Variants in SLC14A2 observed in about 807,000 individuals in gnomAD.
The protein encoded by SLC14A2 is solute carrier family 14 member 2.
Under a neutral mutation model 104.6 loss-of-function variants are expected in SLC14A2, and 91 were observed. The observed-to-expected ratio is 0.87, with a 90% CI of 0.73 to 1.04. The LOEUF is 1.04. SLC14A2 is among the 50% of genes least tolerant of loss of function. The pLI, the probability that SLC14A2 is intolerant of heterozygous loss-of-function variation, is 0.00. For synonymous variants in SLC14A2, 476 were observed against 466.4 expected, an observed-to-expected ratio of 1.02 and a Z score of -0.27; for missense variants, 1,189 against 1,156.0, an observed-to-expected ratio of 1.03 and a Z score of -0.41.
intron 12 of SLC14A2, among the ~76,000 whole-genome samples, chr18:45,666,542 T>C (rs1310239798): frequency 6.6e-6 from 1 of 151,642 alleles, no homozygotes; most frequent in African/African-American, 2.4e-5. Context: ...TGAACAGTTA[T>C]ATCTTAAAGA....
chr18:45,651,834 C>T (rs1404956929), intron 10 of SLC14A2, among the ~76,000 whole-genome samples: 1 of 152,202 alleles, frequency 6.6e-6, no homozygotes, highest in African/African-American at 2.4e-5. Flanking sequence ...AGAGCTTAAC[C>T]AGTTAGCCAT....
At chr18:45,552,446 G>A (rs144200055) in intron 2 of SLC14A2, among the ~76,000 whole-genome samples, 1,108 of 101,750 alleles carry the variant, frequency 0.011, 17 homozygotes, top group African/African-American at 0.037. Flanking sequence ...CCCAACCCCC[G>A]TGTCCTCAAG....
Position 45,624,793 on chromosome 18 carries a change from C to T in SLC14A2, c.129C>T (p.Leu43=). The part of the protein sequence containing the change: ...TSPDTHPALP[L]LEMPEEKDLR... Reference sequence around the variant, plus strand: ...CGGATACTCACCCAGCTCTGCCCCTCCTGGAAATGCCTGAAGAAAAGGTGA... The same window carrying T: ...CGGATACTCACCCAGCTCTGCCCCTTCTGGAAATGCCTGAAGAAAAGGTGA... Residue 43 remains leucine (L), a synonymous_variant, in exon 2 of 20, where the codon CTC becomes CTT. Coordinates refer to ENST00000255226, the MANE Select transcript of SLC14A2 (RefSeq NM_007163.4). 1 of 1,611,482 alleles carries T rather than the reference C, an allele frequency of 6.2e-7. No individual in the cohort carries two copies. Among genetic ancestry groups the T allele is most frequent in the Non-Finnish European group, 8.5e-7 (1 of 1,178,876 alleles).
At chr18:45,629,864 G>A (rs977745168) in intron 4 of SLC14A2, among the ~76,000 whole-genome samples, 4 of 152,164 alleles carry the variant, frequency 2.6e-5, no homozygotes, top group African/African-American at 9.7e-5. Context: ...CATTTGATGG[G>A]TCCTACAGTA....
chr18:45,364,442 G>A (rs2085646763), intron 1 of SLC14A2, among the ~76,000 whole-genome samples: 1 of 152,158 alleles, frequency 6.6e-6, no homozygotes, highest in African/African-American at 2.4e-5. Flanking sequence ...GAAGAGAAAA[G>A]GAGTTGTTCC....
In SLC14A2 at chr18:45,673,670, C is replaced by A; in HGVS notation, c.2378-13C>A. 2 of 1,612,652 alleles carry A rather than the reference C, an allele frequency of 1.2e-6. No individual in the cohort carries two copies. The highest frequency in any genetic ancestry group is 1.7e-6 in the Non-Finnish European group (2 of 1,178,768). On this transcript the variant is annotated splice_polypyrimidine_tract_variant and intron_variant, in intron 17 of 19. Transcript: ENST00000255226. ...ACCCTAGACCCAACCCTGATGCCTG[C>A]CTTCTGTCACAGCACTCACTATTGC...
chr18:45,609,884 T>C (rs1184257253), intron 2 of SLC14A2, among the ~76,000 whole-genome samples: 1 of 152,182 alleles, frequency 6.6e-6, no homozygotes, highest in Non-Finnish European at 1.5e-5. Flanking sequence ...AGACACAAGC[T>C]GAAAAAGACT....
At chr18:45,467,780 C>T (rs957770052) in intron 1 of SLC14A2, among the ~76,000 whole-genome samples, 8 of 152,142 alleles carry the variant, frequency 5.3e-5, no homozygotes, top group African/African-American at 1.9e-4. Context: ...CCAACCCACT[C>T]CACCCTCTCC....
chr18:45,602,141 A>T (rs2044799752), intron 2 of SLC14A2, among the ~76,000 whole-genome samples: 1 of 152,252 alleles, frequency 6.6e-6, no homozygotes, highest in Non-Finnish European at 1.5e-5. Flanking sequence ...AAATATCAAA[A>T]GGCCATGGAT....
At chr18:45,417,504 G>T (rs2086290610) in intron 1 of SLC14A2, among the ~76,000 whole-genome samples, 1 of 152,170 alleles carries the variant, frequency 6.6e-6, no homozygotes, top group Admixed American at 6.5e-5. Context: ...TGGCAGGAAG[G>T]AGAACTGCCA....
intron 1 of SLC14A2, among the ~76,000 whole-genome samples, chr18:45,217,081 T>C (rs1464843851): frequency 6.6e-6 from 1 of 152,004 alleles, no homozygotes; most frequent in Non-Finnish European, 1.5e-5. Context: ...AACCTTTATG[T>C]CTCTGTAGAT....
chr18:45,582,644 G>A (rs547936378), intron 2 of SLC14A2, among the ~76,000 whole-genome samples: 1 of 152,244 alleles, frequency 6.6e-6, no homozygotes, highest in Non-Finnish European at 1.5e-5. Context: ...GTCCAGTGAG[G>A]GGATGATGTT....
intron 2 of SLC14A2, among the ~76,000 whole-genome samples, chr18:45,498,169 C>T (rs891159659): frequency 6.6e-6 from 1 of 152,116 alleles, no homozygotes; most frequent in African/African-American, 2.4e-5. Flanking sequence ...AACTATAATG[C>T]AATATATCTG....
At chr18:45,578,969 T>C (rs2044452628) in intron 2 of SLC14A2, among the ~76,000 whole-genome samples, 1 of 152,218 alleles carries the variant, frequency 6.6e-6, no homozygotes, top group South Asian at 2.1e-4. Context: ...TGCTCAAGGA[T>C]CAGAGGTCTT....
chr18:45,523,280 G>T (rs908391649), intron 2 of SLC14A2, among the ~76,000 whole-genome samples: 1 of 151,888 alleles, frequency 6.6e-6, no homozygotes, highest in Non-Finnish European at 1.5e-5. Flanking sequence ...AAGACAGGTC[G>T]CCCAGGGCAG....
chr18:45,544,214 C>T (rs2043932374), intron 2 of SLC14A2, among the ~76,000 whole-genome samples: 1 of 152,210 alleles, frequency 6.6e-6, no homozygotes, highest in Non-Finnish European at 1.5e-5. Flanking sequence ...CACTGAACTT[C>T]AGATGGTCTT....
chr18:45,473,850 C>T (rs748877144), intron 1 of SLC14A2, among the ~76,000 whole-genome samples: 1 of 152,156 alleles, frequency 6.6e-6, no homozygotes, highest in Non-Finnish European at 1.5e-5. Flanking sequence ...TTCCTCTCTT[C>T]CTATTTGAAT....
chr18:45,519,927 A>G (rs2043493347), intron 2 of SLC14A2, among the ~76,000 whole-genome samples: 1 of 152,200 alleles, frequency 6.6e-6, no homozygotes, highest in African/African-American at 2.4e-5. Context: ...ACTACCTGGC[A>G]GTGGTATCAG....
chr18:45,188,735 A>G, the SLC14A2 span, among the ~76,000 whole-genome samples: 2 of 152,158 alleles, frequency 1.3e-5, no homozygotes, highest in Admixed American at 1.3e-4. Context: ...TCCTTGCCCA[A>G]TCAATTCTGC....
Sources: allele counts gnomAD v4.1 joint callset (sites outside exome capture counted in the v4.1 genomes callset), GRCh38; gene constraint gnomAD v4.1.1; transcripts MANE v1.5; gene names NCBI Gene and HGNC (gene_info 2026-07-23, HGNC 2026-07-21).